The following AHDC1 variants were observed in gnomAD, a reference collection of about 807,000 sequenced individuals.
AHDC1 encodes the protein AT-hook DNA binding motif containing 1, also known as transcription factor Gibbin.
AHDC1 carries 7 observed loss-of-function variants against 87.9 expected under a neutral mutation model. The ratio of observed to expected loss-of-function variants is 0.08; its 90% CI spans 0.05 to 0.15. The LOEUF is 0.15. Ranked by LOEUF, AHDC1 falls within the 10% of genes least tolerant of loss-of-function variation. The probability of loss-of-function intolerance (pLI) is 1.00; values close to 1 mark genes in which losing one functional copy is unlikely to be tolerated. For synonymous variants in AHDC1, 1,051 were observed against 1,006.8 expected, an observed-to-expected ratio of 1.04 and a Z score of -0.83; for missense variants, 1,841 against 2,253.2, an observed-to-expected ratio of 0.82 and a Z score of 3.70.
intron 5 of AHDC1, among the ~76,000 whole-genome samples, chr1:27,553,849 TG>T (rs1255183709): frequency 3.3e-5 from 5 of 152,116 alleles, no homozygotes; most frequent in African/African-American, 4.8e-5. Flanking sequence ...GAGGATCGCT[TG>T]AGTCCAGGAG....
chr1:27,568,764 GCGGGC>G (rs1035935357), intron 3 of AHDC1, among the ~76,000 whole-genome samples: 8 of 151,714 alleles, frequency 5.3e-5, no homozygotes, highest in African/African-American at 1.2e-4. Flanking sequence ...GGAGCCTGCG[GCGGGC>G]CGGGCCGGGC....
chr1:27,597,324 A>G (rs1011983749), intron 3 of AHDC1, among the ~76,000 whole-genome samples: 2 of 151,312 alleles, frequency 1.3e-5, no homozygotes, highest in African/African-American at 4.9e-5. Flanking sequence ...GGAGATTTAC[A>G]TGTCACAAAT....
intron 8 of AHDC1, among the ~76,000 whole-genome samples, chr1:27,540,174 G>A (rs991759941): frequency 1.3e-5 from 2 of 152,118 alleles, no homozygotes; most frequent in Admixed American, 1.3e-4. Flanking sequence ...GTCCTCAGGC[G>A]AGGACCTTTC....
chr1:27,584,951 TCAC>T (rs2089008943), intron 3 of AHDC1, among the ~76,000 whole-genome samples: 2 of 152,030 alleles, frequency 1.3e-5, no homozygotes, highest in East Asian at 3.9e-4. Flanking sequence ...GGTGGGCAGA[TCAC>T]CTGAGGTCAG....
intron 3 of AHDC1, among the ~76,000 whole-genome samples, chr1:27,591,728 C>T (rs745338819): frequency 2.6e-5 from 4 of 152,178 alleles, no homozygotes; most frequent in African/African-American, 2.4e-5. Context: ...CGGATTAATG[C>T]CCTAGCTGCA....
chr1:27,541,909 C>A (rs1035292376), intron 8 of AHDC1, among the ~76,000 whole-genome samples: 2 of 152,236 alleles, frequency 1.3e-5, no homozygotes, highest in Non-Finnish European at 2.9e-5. Flanking sequence ...GGATTACAGG[C>A]GTGAGCCACC....
rs1367996388 is a variant in AHDC1, at chr1:27,565,556, G to A, written c.-628-6673C>T. ...GCCCTGGACAAACATTCTGTCTGGTGTCCCCCGGCGCTGGTGAGCAAGGGG... is the reference window on the plus strand; with the variant it reads ...GCCCTGGACAAACATTCTGTCTGGTATCCCCCGGCGCTGGTGAGCAAGGGG... On this transcript the variant is annotated intron_variant, in intron 3 of 8. Transcript: ENST00000673934. The surrounding 1 kb of genome is among the most constrained non-coding windows in gnomAD (Gnocchi z 4.6). Among the ~76,000 whole-genome samples, 2 of 152,192 alleles carry A rather than the reference G, an allele frequency of 1.3e-5. No homozygotes were observed. Among genetic ancestry groups the A allele is most frequent in the East Asian group, 3.9e-4 (2 of 5,192 alleles).
At position 27,550,067 on chromosome 1, in the gene AHDC1, C is replaced by T. The variant is rs140789116; in HGVS notation, c.2049G>A (p.Ala683=). The change falls in exon 8 of 9, where the codon GCG becomes GCA. Residue 683 remains alanine (A), a synonymous_variant. Coordinates refer to ENST00000673934, the MANE Select transcript of AHDC1 (RefSeq NM_001371928.1). ...GGFGGRGGGH[A]AKSARCSFSD... ...TGAAGGAGCATCGGGCTGACTTGGC[C>T]GCATGGCCCCCACCCCGGCCACCAA... 4.4e-5 allele frequency: 71 copies of T among 1,606,768 alleles called. No individual in the cohort carries two copies. Among genetic ancestry groups the T allele is most frequent in the Admixed American group, 8.4e-5 (5 of 59,736 alleles).
chr1:27,552,153 G>A lies in AHDC1; in HGVS notation c.-38C>T. The A allele has an allele frequency of 7.0e-7, 1 of 1,435,972 alleles. No homozygotes were observed. The highest frequency in any genetic ancestry group is 9.1e-7 in the Non-Finnish European group (1 of 1,096,760). 89.0% of individuals were successfully genotyped at this position (1,435,972 alleles called of 1,614,324 possible). On this transcript the variant is annotated 5_prime_UTR_variant, in exon 8 of 9. Transcript: ENST00000673934. ...CTCCGCAGGCCGCCGGGCGGGGCCG[G>A]GGCTGACATGAGGGTGCGAGAAGCC...
At chr1:27,573,821 A>G (rs1255528821) in intron 3 of AHDC1, among the ~76,000 whole-genome samples, 1 of 152,236 alleles carries the variant, frequency 6.6e-6, no homozygotes, top group African/African-American at 2.4e-5. Context: ...TCTGCCAGGT[A>G]GTTTTTATTT....
chr1:27,585,724 C>T (rs951937087), intron 3 of AHDC1, among the ~76,000 whole-genome samples: 4 of 152,132 alleles, frequency 2.6e-5, no homozygotes, highest in African/African-American at 9.7e-5. Context: ...CCCCATTTCC[C>T]GGCCTAATCA....
Position 27,550,224 on chromosome 1 carries a change from C to T in AHDC1, c.1892G>A (p.Arg631Gln). 3 of 1,613,444 alleles carry T rather than the reference C, an allele frequency of 1.9e-6. No homozygotes were observed. Among genetic ancestry groups the T allele is most frequent in the South Asian group, 1.1e-5 (1 of 91,074 alleles). The change falls in exon 8 of 9, where the codon CGG becomes CAG. Residue 631 changes from arginine to glutamine, a missense_variant. By Grantham distance (43) the Arg-to-Gln change is conservative (BLOSUM62 1). Coordinates refer to ENST00000673934, the MANE Select transcript of AHDC1 (RefSeq NM_001371928.1). ...FLNRQSQCAG[R>Q]CSPPRCWTPS... ...TGTCCAGCAGCGGGGCGGTGAGCACCGTCCAGCGCACTGGCTCTGGCGGTT... is the reference window on the plus strand; with the variant it reads ...TGTCCAGCAGCGGGGCGGTGAGCACTGTCCAGCGCACTGGCTCTGGCGGTT...
At chr1:27,584,913 C>A (rs2089007180) in intron 3 of AHDC1, among the ~76,000 whole-genome samples, 2 of 152,140 alleles carry the variant, frequency 1.3e-5, no homozygotes, top group Admixed American at 1.3e-4. Context: ...TGGCTCACAC[C>A]TGTAATCTCA....
At chr1:27,575,529 T>C (rs936308514) in intron 3 of AHDC1, among the ~76,000 whole-genome samples, 2 of 151,836 alleles carry the variant, frequency 1.3e-5, no homozygotes, top group African/African-American at 2.4e-5. Flanking sequence ...CTGCCCGAGC[T>C]GCGCGCTTAG....
At chr1:27,577,269 C>T (rs1176947653) in intron 3 of AHDC1, among the ~76,000 whole-genome samples, 1 of 152,182 alleles carries the variant, frequency 6.6e-6, no homozygotes, top group African/African-American at 2.4e-5. Context: ...ACGTGGGCAT[C>T]CAATACAAAT....
At chr1:27,553,738 G>A (rs1278560523) in intron 5 of AHDC1, among the ~76,000 whole-genome samples, 1 of 152,052 alleles carries the variant, frequency 6.6e-6, no homozygotes, top group Non-Finnish European at 1.5e-5. Flanking sequence ...CCAACACTCA[G>A]AACAGCACAT....
In AHDC1 at chr1:27,549,933, C is replaced by T. The variant is rs746053039; in HGVS notation, c.2183G>A (p.Arg728Gln). The T allele has an allele frequency of 7.5e-5, 121 of 1,613,354 alleles. No individual in the cohort carries two copies. Among genetic ancestry groups the T allele is most frequent in the South Asian group, 5.5e-5 (5 of 91,010 alleles). The change falls in exon 8 of 9, where the codon CGG becomes CAG. Residue 728 changes from arginine to glutamine, a missense_variant. Around this residue, in one of 13 missense-constraint regions of AHDC1, gnomAD observed 236 missense variants for 257.9 expected, o/e 0.92. Transcript: ENST00000673934. Reference protein sequence around the residue: ...TELGHPRKRGRGEVDAVTGKP... With the variant: ...TELGHPRKRGQGEVDAVTGKP... The stretch of plus-strand genomic sequence containing the variant: ...CCCAGTCACAGCGTCTACCTCCCCC[C>T]GGCCCCGTTTGCGTGGGTGCCCCAA...
intron 3 of AHDC1, among the ~76,000 whole-genome samples, chr1:27,589,321 G>GT (rs2089157542): frequency 6.6e-6 from 1 of 152,182 alleles, no homozygotes; most frequent in Non-Finnish European, 1.5e-5. Flanking sequence ...CTGTGCTCGT[G>GT]TGAGTACCAC....
intron 3 of AHDC1, among the ~76,000 whole-genome samples, chr1:27,574,941 A>G (rs747335817): frequency 6.6e-6 from 1 of 152,204 alleles, no homozygotes; most frequent in African/African-American, 2.4e-5. Flanking sequence ...AGGTGCAGAA[A>G]TGCTCTCAAA....
Sources: allele counts gnomAD v4.1 joint callset (sites outside exome capture counted in the v4.1 genomes callset), GRCh38; gene constraint gnomAD v4.1.1; regional missense constraint gnomAD v4.1.1; non-coding constraint Gnocchi (gnomAD v3.1); transcripts MANE v1.5; gene names NCBI Gene and HGNC (gene_info 2026-07-23, HGNC 2026-07-21).